The following COLEC12 variants were observed in gnomAD, a reference collection of about 807,000 sequenced individuals.
COLEC12 encodes the protein collectin-12.
Under a neutral mutation model 71.1 loss-of-function variants are expected in COLEC12, and 33 were observed. That is an observed-to-expected ratio of 0.46 (90% CI 0.35 to 0.62). The LOEUF is 0.62. Among genes scored for constraint, COLEC12 ranks in the 20% least tolerant of loss-of-function variants. COLEC12 has a pLI of 0.00. For missense variants in COLEC12, 765 were observed against 916.1 expected (o/e 0.84, Z 2.13); for synonymous variants, 350 against 353.0 (o/e 0.99, Z 0.10).
At chr18:429,803 A>T (rs1567905549) in intron 2 of COLEC12, among the ~76,000 whole-genome samples, 1 of 152,178 alleles carries the variant, frequency 6.6e-6, no homozygotes, top group Non-Finnish European at 1.5e-5. Context: ...GTGAGCATAA[A>T]TGCAGCCCTA....
chr18:405,659 T>C (rs1376148514), intron 2 of COLEC12, among the ~76,000 whole-genome samples: 1 of 152,222 alleles, frequency 6.6e-6, no homozygotes, highest in Non-Finnish European at 1.5e-5. Flanking sequence ...TCAATCACGC[T>C]GATCCATTCA....
chr18:476,342 C>A (rs922954719), intron 2 of COLEC12, among the ~76,000 whole-genome samples: 1 of 152,194 alleles, frequency 6.6e-6, no homozygotes, highest in African/African-American at 2.4e-5. Context: ...TATGCCTGAG[C>A]CCCAAAGAAG....
chr18:336,521 C>A (rs1246494013), intron 5 of COLEC12, among the ~76,000 whole-genome samples: 1 of 152,132 alleles, frequency 6.6e-6, no homozygotes, highest in African/African-American at 2.4e-5. Context: ...CAAATAATCT[C>A]CTACCAGGAA....
chr18:488,138 C>T (rs538705080), intron 1 of COLEC12, among the ~76,000 whole-genome samples: 159 of 152,090 alleles, frequency 1.0e-3, no homozygotes, highest in Non-Finnish European at 1.4e-3. Flanking sequence ...GGGCTGGGCA[C>T]GGTGGCTGAC....
chr18:321,972 C>T (rs903425315), intron 8 of COLEC12, among the ~76,000 whole-genome samples, 165 bp from the exon 9 acceptor site: 3 of 152,190 alleles, frequency 2.0e-5, no homozygotes, highest in African/African-American at 7.2e-5. Flanking sequence ...GAGAAAGGAG[C>T]AGCTGTTTTG....
chr18:461,529 G>A (rs746837974), intron 2 of COLEC12, among the ~76,000 whole-genome samples: 44 of 152,160 alleles, frequency 2.9e-4, no homozygotes, highest in Non-Finnish European at 5.4e-4. Flanking sequence ...CAGGACCACA[G>A]GCATACACCA....
intron 2 of COLEC12, among the ~76,000 whole-genome samples, chr18:359,830 G>A (rs1344906498): frequency 3.9e-5 from 6 of 152,240 alleles, no homozygotes; most frequent in Non-Finnish European, 2.9e-5. Flanking sequence ...TGATGGGTAA[G>A]TCATGAGGAT....
intron 3 of COLEC12, among the ~76,000 whole-genome samples, chr18:349,283 C>G (rs1244166925): frequency 6.6e-6 from 1 of 152,230 alleles, no homozygotes; most frequent in Non-Finnish European, 1.5e-5. Context: ...CAATGTGGAG[C>G]TGGGGCCGTG....
At chr18:434,056 C>A (rs1013888941) in intron 2 of COLEC12, among the ~76,000 whole-genome samples, 3 of 151,550 alleles carry the variant, frequency 2.0e-5, no homozygotes, top group African/African-American at 7.3e-5. Flanking sequence ...AAGAGAAGAG[C>A]CAAATACCCT....
chr18:500,384 A>G lies in COLEC12; in HGVS notation c.7+124T>C, dbSNP rs1482018381. ...CCGCGCACGAACCCGGCGCCCTGGC[A>G]GCCCCGACTCCCCGGGCCCGCAGCC... On this transcript the variant is annotated intron_variant, in intron 1 of 9. Transcript: ENST00000400256. This position sits in a 1 kb window ranked among gnomAD's most constrained non-coding sequence, Gnocchi z 5.3. 3 of 482,308 alleles carry G rather than the reference A, an allele frequency of 6.2e-6. No individual in the cohort carries two copies. Among genetic ancestry groups the G allele is most frequent in the Non-Finnish European group, 8.5e-6 (3 of 354,044 alleles). The allele number at this position is 482,308 out of a possible 1,614,324, so 29.9% of individuals were successfully genotyped here.
intron 5 of COLEC12, among the ~76,000 whole-genome samples, chr18:344,902 G>T (rs965852005): frequency 6.6e-6 from 1 of 152,240 alleles, no homozygotes; most frequent in African/African-American, 2.4e-5. Flanking sequence ...CATTGCTTTA[G>T]CAGGTCATCC....
In COLEC12 at chr18:357,595, T is replaced by A; in HGVS notation, c.59-73A>T. 4 of 1,274,456 alleles carry A rather than the reference T, an allele frequency of 3.1e-6. No homozygotes were observed. In the South Asian group the frequency reaches 6.3e-5, roughly 20 times the overall value. 78.9% of individuals were successfully genotyped at this position (1,274,456 alleles called of 1,614,324 possible). On this transcript the variant is annotated intron_variant, in intron 2 of 9. Transcript: ENST00000400256. ...TAAAATTTATCTTTTTGCATTTAGG[T>A]TCAAATATTGGGACTAAGAATAATT...
chr18:399,385 G>A lies in COLEC12; in HGVS notation c.59-41863C>T, dbSNP rs1394882866. Among the ~76,000 whole-genome samples the A allele has an allele frequency of 3.9e-5, 6 of 152,312 alleles. No homozygotes were observed. The highest frequency in any genetic ancestry group is 3.4e-3 in the Middle Eastern group (1 of 294). ...AAGGGTTCTCATCACTGTGTAGCGC[G>A]CAGCTCTGTGCCCCTGCCCAGCCAC... On this transcript the variant is annotated intron_variant, in intron 2 of 9. Transcript: ENST00000400256. The surrounding 1 kb of genome is among the most constrained non-coding windows in gnomAD (Gnocchi z 4.0).
intron 5 of COLEC12, among the ~76,000 whole-genome samples, chr18:341,409 G>A (rs1914249764): frequency 1.3e-5 from 2 of 152,236 alleles, no homozygotes; most frequent in African/African-American, 4.8e-5. Context: ...TTAGCAGCGT[G>A]ATTGGCATAG....
chr18:345,586 A>G (rs543027964), intron 5 of COLEC12, among the ~76,000 whole-genome samples: 1 of 152,308 alleles, frequency 6.6e-6, no homozygotes, highest in East Asian at 1.9e-4. Context: ...TGTTACTGTG[A>G]TGGCCAACCA....
At chr18:464,181 G>A (rs1699994868) in intron 2 of COLEC12, among the ~76,000 whole-genome samples, 1 of 152,112 alleles carries the variant, frequency 6.6e-6, no homozygotes, top group Non-Finnish European at 1.5e-5. Flanking sequence ...ACACTAACTT[G>A]TATTATCTGC....
chr18:397,065 G>T (rs1915587192), intron 2 of COLEC12, among the ~76,000 whole-genome samples: 1 of 152,208 alleles, frequency 6.6e-6, no homozygotes, highest in Non-Finnish European at 1.5e-5. Flanking sequence ...TGTTGAGTTT[G>T]TGTCTACTTT....
intron 2 of COLEC12, among the ~76,000 whole-genome samples, chr18:390,380 T>C (rs1449671104): frequency 6.6e-6 from 1 of 152,252 alleles, no homozygotes; most frequent in Non-Finnish European, 1.5e-5. Flanking sequence ...GGGACTTAGC[T>C]TTCTGTTGTT....
At chr18:321,400 T>C (rs759219672) in intron 9 of COLEC12, among the ~76,000 whole-genome samples, 8 of 152,250 alleles carry the variant, frequency 5.3e-5, no homozygotes, top group Non-Finnish European at 8.8e-5. Flanking sequence ...AAGATACTTA[T>C]GTGGGTCAGT....
Sources: gnomAD v4.1 joint callset for allele counts (sites outside exome capture counted in the v4.1 genomes callset) on GRCh38, gnomAD v4.1.1 for gene constraint, Gnocchi (gnomAD v3.1) non-coding constraint, MANE v1.5 for transcripts, NCBI Gene and HGNC (gene_info 2026-07-23, HGNC 2026-07-21) for gene names.